COL23A1: variants seen among roughly 807,000 people sequenced by gnomAD.
COL23A1 encodes collagen alpha-1(XXIII) chain.
Under a neutral mutation model 99.3 loss-of-function variants are expected in COL23A1, and 97 were observed. The observed-to-expected ratio is 0.98, with a 90% CI of 0.83 to 1.16. COL23A1 has a LOEUF of 1.16. Among genes scored for constraint, COL23A1 ranks in the 50% most tolerant of loss-of-function variants. The pLI, the probability that COL23A1 is intolerant of heterozygous loss-of-function variation, is 0.00. For synonymous variants in COL23A1, 320 were observed against 308.2 expected (o/e 1.04, Z -0.40); for missense variants, 762 against 757.4 (o/e 1.01, Z -0.07).
chr5:178,315,341 G>A (rs558316300), intron 2 of COL23A1, among the ~76,000 whole-genome samples: 3 of 152,156 alleles, frequency 2.0e-5, no homozygotes, highest in Non-Finnish European at 4.4e-5. Flanking sequence ...AGGACCTGCT[G>A]ACGGGCTGAG....
intron 2 of COL23A1, among the ~76,000 whole-genome samples, chr5:178,539,565 A>AAAAAAAAGG (rs1761177917): frequency 6.7e-6 from 1 of 149,256 alleles, no homozygotes; most frequent in Non-Finnish European, 1.5e-5. Context: ...AAAAAAAAAA[A>AAAAAAAAGG]AAAGAAAAAG....
chr5:178,577,411 G>A (rs1426979440), intron 1 of COL23A1, among the ~76,000 whole-genome samples: 1 of 152,248 alleles, frequency 6.6e-6, no homozygotes, highest in South Asian at 2.1e-4. Flanking sequence ...AGGCCCAGGG[G>A]TGAGGACTTC....
chr5:178,461,626 A>C (rs1274903534), intron 2 of COL23A1, among the ~76,000 whole-genome samples: 1 of 152,218 alleles, frequency 6.6e-6, no homozygotes, highest in African/African-American at 2.4e-5. Context: ...CAGTCCTTAC[A>C]AACAGAAGCT....
intron 2 of COL23A1, among the ~76,000 whole-genome samples, chr5:178,502,277 G>A (rs555436372): frequency 1.1e-4 from 16 of 152,198 alleles, no homozygotes; most frequent in South Asian, 4.2e-4. Context: ...GACTACAGGC[G>A]CCCGCCACCA....
At chr5:178,587,486 G>C (rs1343052060) in intron 1 of COL23A1, among the ~76,000 whole-genome samples, 2 of 152,162 alleles carry the variant, frequency 1.3e-5, no homozygotes, top group Admixed American at 1.3e-4. Context: ...AGCCATGTAT[G>C]GTTGGCAAGG....
At chr5:178,523,201 T>TATATATATATAG (rs1223542330) in intron 2 of COL23A1, among the ~76,000 whole-genome samples, 108 of 77,574 alleles carry the variant, frequency 1.4e-3, no homozygotes, top group Non-Finnish European at 2.0e-3. Flanking sequence ...TATATATATA[T>TATATATATATAG]AGAGAGAGAG....
intron 2 of COL23A1, among the ~76,000 whole-genome samples, chr5:178,461,360 A>C (rs1009547939): frequency 6.6e-6 from 1 of 152,172 alleles, no homozygotes; most frequent in Non-Finnish European, 1.5e-5. Context: ...CTGGAAGAGG[A>C]GCTGAGTAGA....
chr5:178,249,308 C>A, intron 18 of COL23A1, 102 bp from the exon 19 acceptor site: 2 of 1,148,042 alleles, frequency 1.7e-6, no homozygotes, highest in Non-Finnish European at 2.6e-6. Context: ...GCCCCACTTT[C>A]TCTTTGTGGG....
chr5:178,416,097 T>G (rs1765292653), intron 2 of COL23A1, among the ~76,000 whole-genome samples: 1 of 152,150 alleles, frequency 6.6e-6, no homozygotes, highest in African/African-American at 2.4e-5. Flanking sequence ...TCCCATTCAT[T>G]CATTCATTCA....
chr5:178,322,296 C>A (rs1247543253), intron 2 of COL23A1, among the ~76,000 whole-genome samples: 2 of 152,176 alleles, frequency 1.3e-5, no homozygotes, highest in East Asian at 3.9e-4. Flanking sequence ...CTGGCCCACG[C>A]CTATTTTTTT....
intron 3 of COL23A1, among the ~76,000 whole-genome samples, chr5:178,295,525 T>C (rs181070929): frequency 6.6e-6 from 1 of 152,322 alleles, no homozygotes; most frequent in East Asian, 1.9e-4. Context: ...CCTCACACAC[T>C]GGTGAGAGGA....
chr5:178,437,994 G>C (rs1345857660), intron 2 of COL23A1, among the ~76,000 whole-genome samples: 2 of 152,150 alleles, frequency 1.3e-5, no homozygotes, highest in African/African-American at 4.8e-5. Context: ...GTTTAGGCAG[G>C]GCTGCTGCTT....
intron 2 of COL23A1, among the ~76,000 whole-genome samples, chr5:178,517,750 C>T (rs535426282): frequency 5.6e-4 from 85 of 151,230 alleles, no homozygotes; most frequent in African/African-American, 2.0e-3. Context: ...TTAGTAGAGA[C>T]GGGGTTTCAC....
chr5:178,465,124 C>A (rs1411055335), intron 2 of COL23A1, among the ~76,000 whole-genome samples: 2 of 152,194 alleles, frequency 1.3e-5, no homozygotes, highest in African/African-American at 2.4e-5. Flanking sequence ...TGCTCCTGAC[C>A]TCCCAGTGGC....
chr5:178,430,077 C>A (rs1766174890), intron 2 of COL23A1, among the ~76,000 whole-genome samples: 1 of 152,178 alleles, frequency 6.6e-6, no homozygotes, highest in Non-Finnish European at 1.5e-5. Flanking sequence ...CTGAGGTGCA[C>A]CTGGAAAGAC....
At chr5:178,327,386 C>T (rs769878752) in intron 2 of COL23A1, among the ~76,000 whole-genome samples, 16 of 152,154 alleles carry the variant, frequency 1.1e-4, no homozygotes, top group South Asian at 2.1e-4. Context: ...GAAGGGGCTA[C>T]GGAAAACACC....
intron 2 of COL23A1, among the ~76,000 whole-genome samples, chr5:178,388,249 T>C (rs1039911562): frequency 3.3e-5 from 5 of 152,228 alleles, no homozygotes; most frequent in African/African-American, 1.2e-4. Context: ...TTAGCGCTAG[T>C]CCTGATAATC....
intron 2 of COL23A1, among the ~76,000 whole-genome samples, chr5:178,512,689 A>T (rs1026685344): frequency 1.3e-5 from 2 of 152,228 alleles, no homozygotes; most frequent in Admixed American, 6.5e-5. Context: ...TAGGTGCAGA[A>T]GAGAATGACT....
chr5:178,420,450 C>T (rs1165841619), intron 2 of COL23A1, among the ~76,000 whole-genome samples: 1 of 92,438 alleles, frequency 1.1e-5, no homozygotes, highest in Non-Finnish European at 2.2e-5. Flanking sequence ...TTCCTCCTCC[C>T]CTCCCCACCT....
Sources: gnomAD v4.1 joint callset for allele counts (sites outside exome capture counted in the v4.1 genomes callset) on GRCh38, gnomAD v4.1.1 for gene constraint, MANE v1.5 for transcripts, NCBI Gene and HGNC (gene_info 2026-07-23, HGNC 2026-07-21) for gene names.